Variants in ARHGEF33 observed in about 807,000 individuals in gnomAD.
The protein encoded by ARHGEF33 is Rho guanine nucleotide exchange factor 33.
ARHGEF33 carries 72 observed loss-of-function variants against 101.9 expected under a neutral mutation model. The ratio of observed to expected loss-of-function variants is 0.71; its 90% CI spans 0.58 to 0.86. The LOEUF is 0.86. Ranked by LOEUF, ARHGEF33 falls within the 40% of genes least tolerant of loss-of-function variation. The pLI, the probability that ARHGEF33 is intolerant of heterozygous loss-of-function variation, is 0.00. For missense variants in ARHGEF33, 1,169 were observed against 1,111.3 expected (o/e 1.05, Z -0.74); for synonymous variants, 499 against 442.5 (o/e 1.13, Z -1.60).
chr2:38,958,694 T>G (rs1043632247), intron 15 of ARHGEF33, among the ~76,000 whole-genome samples: 15 of 132,378 alleles, frequency 1.1e-4, no homozygotes, highest in Non-Finnish European at 2.4e-4. Flanking sequence ...GGTTTTAGCA[T>G]TTATATTTGC....
chr2:38,965,978 G>GA (rs761328904), intron 16 of ARHGEF33, 28 bp from the exon 17 acceptor site: 112 of 1,549,594 alleles, frequency 7.2e-5, no homozygotes, highest in Admixed American at 3.7e-4. Context: ...AAGGAGTAAA[G>GA]AAAAAAATCC....
intron 4 of ARHGEF33, among the ~76,000 whole-genome samples, chr2:38,921,838 G>A (rs1226481130): frequency 6.6e-6 from 1 of 152,162 alleles, no homozygotes; most frequent in Non-Finnish European, 1.5e-5. Flanking sequence ...CCATTACACT[G>A]CAAGATAACA....
At chr2:38,952,978 C>T (rs1239819781) in intron 11 of ARHGEF33, among the ~76,000 whole-genome samples, 184 bp from the exon 12 acceptor site, 5 of 152,132 alleles carry the variant, frequency 3.3e-5, no homozygotes, top group East Asian at 1.9e-4. Context: ...GGATTACAGG[C>T]GTGAGCCACC....
chr2:38,956,559 G>C (rs572713446), intron 13 of ARHGEF33, among the ~76,000 whole-genome samples: 24 of 152,268 alleles, frequency 1.6e-4, no homozygotes, highest in Admixed American at 1.3e-3. Context: ...CATTGGTCTG[G>C]CTCTTTTGAG....
At chr2:38,970,476 C>G (rs942414769) in intron 17 of ARHGEF33, among the ~76,000 whole-genome samples, 2 of 152,194 alleles carry the variant, frequency 1.3e-5, no homozygotes, top group African/African-American at 4.8e-5. Flanking sequence ...TTGGGGTTCT[C>G]TCTCATTTTC....
At chr2:38,923,718 T>G (rs953941603) in intron 4 of ARHGEF33, among the ~76,000 whole-genome samples, 1 of 152,196 alleles carries the variant, frequency 6.6e-6, no homozygotes, top group Non-Finnish European at 1.5e-5. Context: ...CATGCAGTCA[T>G]TCAGTCTTGT....
chr2:38,923,152 A>C (rs932561984), intron 4 of ARHGEF33, among the ~76,000 whole-genome samples: 2 of 152,218 alleles, frequency 1.3e-5, no homozygotes, highest in Non-Finnish European at 2.9e-5. Context: ...ATTGCACTAC[A>C]AATCCTAGTA....
Position 38,893,452 on chromosome 2 carries a change from G to A in ARHGEF33, c.-158-2325G>A, listed in dbSNP as rs559371047. On this transcript the variant is annotated intron_variant, in intron 1 of 17. Coordinates refer to ENST00000409978, the MANE Select transcript of ARHGEF33 (RefSeq NM_001145451.5). Reference sequence around the variant, plus strand: ...TGGAATTACAGGTGTGAACCACTGTGCCTGGCCCCTCTGGTGATCCCCTTT... The same window carrying A: ...TGGAATTACAGGTGTGAACCACTGTACCTGGCCCCTCTGGTGATCCCCTTT... Among the ~76,000 whole-genome samples the A allele has an allele frequency of 4.1e-4, 63 of 152,236 alleles. 1 individual carries two copies. The South Asian group carries it at 0.013, about 31-fold the overall frequency.
Position 38,966,109 on chromosome 2 carries a change from G to T in ARHGEF33, c.2447G>T (p.Gly816Val). ...DQNPRQDQKG[G>V]FRSSFRKLFK... ...AATCCCAGGCAAGACCAGAAGGGGG[G>T]CTTTCGCAGCTCCTTCCGCAAGCTC... Residue 816 changes from glycine (G) to valine (V), a missense_variant, in exon 17 of 18, where the codon GGC (glycine) becomes GTC (valine). Gly to Val is a moderately radical substitution (Grantham distance 109, BLOSUM62 -3). Coordinates refer to ENST00000409978, the MANE Select transcript of ARHGEF33 (RefSeq NM_001145451.5). 6.4e-7 allele frequency: 1 copy of T among 1,551,698 alleles called. No homozygotes were observed. Among genetic ancestry groups the T allele is most frequent in the African/African-American group, 1.4e-5 (1 of 73,164 alleles).
At chr2:38,937,804 G>A (rs1338430220) in intron 9 of ARHGEF33, among the ~76,000 whole-genome samples, 3 of 152,132 alleles carry the variant, frequency 2.0e-5, no homozygotes, top group East Asian at 1.9e-4. Context: ...TGCTGTGGGC[G>A]GGAGGGGGAA....
intron 17 of ARHGEF33, among the ~76,000 whole-genome samples, chr2:38,966,736 C>G (rs1193604341): frequency 1.3e-5 from 2 of 152,190 alleles, no homozygotes; most frequent in Non-Finnish European, 2.9e-5. Context: ...TGTGGTCCTT[C>G]TGAGATTCTA....
chr2:38,950,872 C>CCT, intron 10 of ARHGEF33, 117 bp from the exon 11 acceptor site: 1 of 923,152 alleles, frequency 1.1e-6, no homozygotes, highest in Non-Finnish European at 1.6e-6. Flanking sequence ...TTAATGCAGG[C>CCT]CTGTGACTCA....
intron 1 of ARHGEF33, among the ~76,000 whole-genome samples, chr2:38,891,682 T>C (rs1183083033): frequency 1.3e-5 from 2 of 152,214 alleles, no homozygotes; most frequent in Non-Finnish European, 2.9e-5. Flanking sequence ...TTTAAATTCA[T>C]AATTCTTGCT....
intron 17 of ARHGEF33, among the ~76,000 whole-genome samples, chr2:38,969,194 G>A (rs773236005): frequency 2.9e-4 from 44 of 152,142 alleles, no homozygotes; most frequent in Non-Finnish European, 4.7e-4. Flanking sequence ...TTCCTCCTGC[G>A]TGTCAGGAGG....
At chr2:38,946,521 G>T (rs535257627) in intron 10 of ARHGEF33, among the ~76,000 whole-genome samples, 1 of 152,202 alleles carries the variant, frequency 6.6e-6, no homozygotes, top group African/African-American at 2.4e-5. Flanking sequence ...TTCTGAGCTT[G>T]GTGGTACTGC....
intron 2 of ARHGEF33, among the ~76,000 whole-genome samples, chr2:38,913,771 A>G (rs1405791626): frequency 1.4e-5 from 2 of 145,576 alleles, no homozygotes; most frequent in Non-Finnish European, 3.1e-5. Flanking sequence ...TCTGTCTCAG[A>G]AAAAAAAAAA....
Position 38,921,415 on chromosome 2 carries a change from AT to A in ARHGEF33, c.70del (p.Tyr24ThrfsTer6). On this transcript the variant is annotated frameshift_variant, in exon 4 of 18. Transcript: ENST00000409978. LOFTEE classifies it high-confidence loss of function. The part of the protein sequence containing the change: ...HMPVNNPSTQ[I>X]YQLQALASEL... ...GCCGGTGAATAATCCTTCCACGCAG[AT>A]TTACCAGGTAAAGACAAATCGATTG... The A allele has an allele frequency of 6.5e-7, 1 of 1,543,162 alleles. No individual in the cohort carries two copies.
chr2:38,916,296 C>T lies in ARHGEF33; in HGVS notation c.-85-3067C>T, dbSNP rs542537945. On this transcript the variant is annotated intron_variant, in intron 2 of 17. Transcript: ENST00000409978. ...AGTAACAGAAATCACTTCTAAAGACCGTTTTTAAAGCCGGATGGCTTTGGG... is the reference window on the plus strand; with the variant it reads ...AGTAACAGAAATCACTTCTAAAGACTGTTTTTAAAGCCGGATGGCTTTGGG... 1.7e-4 allele frequency among the ~76,000 whole-genome samples: 26 copies of T among 152,230 alleles called. 1 individual carries two copies. In the South Asian group the frequency reaches 4.1e-3, roughly 24 times the overall value.
At chr2:38,957,571 A>T (rs147745617) in intron 14 of ARHGEF33, among the ~76,000 whole-genome samples, 1 of 152,346 alleles carries the variant, frequency 6.6e-6, no homozygotes, top group East Asian at 1.9e-4. Flanking sequence ...AATAAGGGAG[A>T]GGAATTTCAG....
Sources: allele counts gnomAD v4.1 joint callset (sites outside exome capture counted in the v4.1 genomes callset), GRCh38; gene constraint gnomAD v4.1.1; transcripts MANE v1.5; gene names NCBI Gene and HGNC (gene_info 2026-07-23, HGNC 2026-07-21).